The following DCC variants were observed in gnomAD, a reference collection of about 807,000 sequenced individuals.
The protein encoded by DCC is DCC netrin 1 receptor.
Under a neutral mutation model 172.5 loss-of-function variants are expected in DCC, and 58 were observed. That is an observed-to-expected ratio of 0.34 (90% CI 0.27 to 0.42). The LOEUF (loss-of-function observed/expected upper bound fraction) is 0.42. Among genes scored for constraint, DCC ranks in the 10% least tolerant of loss-of-function variants. The pLI is 1.00. For synonymous variants in DCC, 709 were observed against 644.5 expected (o/e 1.10, Z -1.52); for missense variants, 1,740 against 1,791.0 (o/e 0.97, Z 0.51).
chr18:53,177,408 C>A (rs1176303467), intron 8 of DCC, among the ~76,000 whole-genome samples: 1 of 152,214 alleles, frequency 6.6e-6, no homozygotes, highest in African/African-American at 2.4e-5. Context: ...GGCAGCCACT[C>A]AGGGTGCATA....
chr18:52,556,280 C>A (rs1294300201), intron 1 of DCC, among the ~76,000 whole-genome samples: 1 of 152,122 alleles, frequency 6.6e-6, no homozygotes, highest in Non-Finnish European at 1.5e-5. Context: ...CCCGTAGAAT[C>A]ATTGCCATAA....
intron 2 of DCC, among the ~76,000 whole-genome samples, chr18:52,813,076 A>G (rs1184255475): frequency 6.6e-6 from 1 of 152,214 alleles, no homozygotes; most frequent in Non-Finnish European, 1.5e-5. Flanking sequence ...GCTATGTTTT[A>G]AAGAAAATAA....
intron 1 of DCC, among the ~76,000 whole-genome samples, chr18:52,421,489 G>A (rs1454685555): frequency 6.6e-6 from 1 of 152,146 alleles, no homozygotes; most frequent in African/African-American, 2.4e-5. Context: ...AGTCCCTTTT[G>A]TTTAATCCCT....
At chr18:52,905,577 A>G (rs1169325512) in intron 2 of DCC, among the ~76,000 whole-genome samples, 1 of 152,192 alleles carries the variant, frequency 6.6e-6, no homozygotes, top group Admixed American at 6.5e-5. Flanking sequence ...GTCATGCCGT[A>G]TGACGAGTCC....
chr18:52,813,037 C>T (rs1336757832), intron 2 of DCC, among the ~76,000 whole-genome samples: 3 of 152,138 alleles, frequency 2.0e-5, no homozygotes, highest in South Asian at 2.1e-4. Flanking sequence ...TCTGAAACTC[C>T]AATGAAGAGA....
chr18:52,637,909 G>A (rs28887331), intron 1 of DCC, among the ~76,000 whole-genome samples: 5,063 of 152,268 alleles, frequency 0.033, 191 homozygotes, highest in African/African-American at 0.092. Context: ...CTTAAGAGCT[G>A]TGAGACAGAA....
At chr18:52,372,370 A>G (rs1345860790) in intron 1 of DCC, among the ~76,000 whole-genome samples, 1 of 152,194 alleles carries the variant, frequency 6.6e-6, no homozygotes, top group African/African-American at 2.4e-5. Context: ...TTGAGAGTCC[A>G]TGCATTGGCT....
chr18:53,325,831 C>T (rs563573169), intron 14 of DCC, among the ~76,000 whole-genome samples: 51 of 152,178 alleles, frequency 3.4e-4, no homozygotes, highest in African/African-American at 1.2e-3. Context: ...ACAGCAAGAA[C>T]AGCTCTATTG....
intron 27 of DCC, among the ~76,000 whole-genome samples, chr18:53,513,151 A>G (rs2046280636): frequency 6.6e-6 from 1 of 152,236 alleles, no homozygotes; most frequent in Admixed American, 6.5e-5. Flanking sequence ...AGTGGGGGCC[A>G]ATATTCAACA....
At chr18:53,329,558 T>G (rs991012884) in intron 14 of DCC, among the ~76,000 whole-genome samples, 4 of 151,994 alleles carry the variant, frequency 2.6e-5, no homozygotes, top group African/African-American at 9.7e-5. Flanking sequence ...TGTAAACAAA[T>G]GTATATCATA....
intron 2 of DCC, among the ~76,000 whole-genome samples, chr18:52,836,180 C>T (rs1385891763): frequency 6.6e-6 from 1 of 152,094 alleles, no homozygotes; most frequent in Non-Finnish European, 1.5e-5. Flanking sequence ...TCAGTTATCT[C>T]CACCTGGTCC....
chr18:53,098,251 T>C (rs1192561211), intron 7 of DCC, among the ~76,000 whole-genome samples: 1 of 152,118 alleles, frequency 6.6e-6, no homozygotes, highest in Non-Finnish European at 1.5e-5. Context: ...GTTGCAAGAA[T>C]ACTACAAAAG....
chr18:52,950,697 G>A (rs1281376079), intron 5 of DCC, among the ~76,000 whole-genome samples: 1 of 151,720 alleles, frequency 6.6e-6, no homozygotes, highest in Non-Finnish European at 1.5e-5. Flanking sequence ...GGCCGAGGGG[G>A]GTGGATCACG....
At chr18:52,474,216 G>GAC (rs577000927) in intron 1 of DCC, among the ~76,000 whole-genome samples, 4 of 110,708 alleles carry the variant, frequency 3.6e-5, no homozygotes, top group East Asian at 5.5e-4. Flanking sequence ...TAGAGAGAGA[G>GAC]AGAGAGAGAG....
intron 2 of DCC, among the ~76,000 whole-genome samples, chr18:52,831,091 TC>T (rs1314359165): frequency 6.6e-6 from 1 of 152,058 alleles, no homozygotes; most frequent in East Asian, 1.9e-4. Flanking sequence ...CAGAAAGTTA[TC>T]CACGGAGATT....
rs531902903 is a variant in DCC, at chr18:53,370,368, C to T, written c.2360-15675C>T. Reference sequence around the variant, plus strand: ...TTAGTTCATCAAGCCAAAGGTTTGCCAATTTGGTTTATCTTTTCAAAGAAC... The same window carrying T: ...TTAGTTCATCAAGCCAAAGGTTTGCTAATTTGGTTTATCTTTTCAAAGAAC... On this transcript the variant is annotated intron_variant, in intron 15 of 28. Coordinates refer to ENST00000442544, the MANE Select transcript of DCC (RefSeq NM_005215.4). Among the ~76,000 whole-genome samples, 23 of 151,782 alleles carry T rather than the reference C, an allele frequency of 1.5e-4. No individual in the cohort carries two copies. In the South Asian group the frequency reaches 4.8e-3, roughly 31 times the overall value.
intron 1 of DCC, among the ~76,000 whole-genome samples, chr18:52,713,577 C>T (rs2036331186): frequency 6.6e-6 from 1 of 152,136 alleles, no homozygotes; most frequent in Admixed American, 6.5e-5. Flanking sequence ...GCACTTGGAT[C>T]CTTTAGTTTC....
rs998762627 is a variant in DCC, at chr18:52,888,412, G to C, written c.413-17632G>C. Among the ~76,000 whole-genome samples the C allele has an allele frequency of 2.0e-5, 3 of 152,242 alleles. No individual in the cohort carries two copies. The South Asian group carries it at 6.2e-4, about 32-fold the overall frequency. On this transcript the variant is annotated intron_variant, in intron 2 of 28. Transcript: ENST00000442544. ...CTGAAAATTAGCAGTTCAGCTTGGT[G>C]TGAATAATAAGGCATCTTCTCTGAT...
intron 2 of DCC, among the ~76,000 whole-genome samples, chr18:52,768,731 T>C (rs1599090741): frequency 6.6e-6 from 1 of 152,080 alleles, no homozygotes; most frequent in Admixed American, 6.5e-5. Context: ...TGGTTTATTT[T>C]CCACCTTTCT....
Sources: gnomAD v4.1 joint callset for allele counts (sites outside exome capture counted in the v4.1 genomes callset) on GRCh38, gnomAD v4.1.1 for gene constraint, MANE v1.5 for transcripts, NCBI Gene and HGNC (gene_info 2026-07-23, HGNC 2026-07-21) for gene names.